The following POLA1 variants were observed in gnomAD, a reference collection of about 807,000 sequenced individuals.
POLA1 encodes the protein DNA polymerase alpha 1, catalytic subunit, also known as DNA polymerase alpha catalytic subunit.
In POLA1, 15 loss-of-function variants were observed where a neutral mutation model predicts 124.0. The observed-to-expected ratio is 0.12, with a 90% confidence interval of 0.08 to 0.19. The LOEUF (loss-of-function observed/expected upper bound fraction) is 0.19. Among genes scored for constraint, POLA1 ranks in the 10% least tolerant of loss-of-function variants. POLA1 has a pLI of 1.00. For missense variants in POLA1, 886 were observed against 1,103.4 expected (o/e 0.80, Z 2.79); for synonymous variants, 408 against 389.4 (o/e 1.05, Z -0.56).
At chrX:24,952,698 C>A (rs967090624) in intron 36 of POLA1, among the ~76,000 whole-genome samples, 41 of 112,063 alleles carry the variant, frequency 3.7e-4, no homozygotes, top group Admixed American at 2.8e-4. Flanking sequence ...TTAATAAATG[C>A]AGTTTTTTAG....
intron 17 of POLA1, among the ~76,000 whole-genome samples, chrX:24,735,044 C>A (rs1931187743): frequency 8.9e-6 from 1 of 112,251 alleles, no homozygotes; most frequent in African/African-American, 3.2e-5. Context: ...ACAGTGAAGT[C>A]TACCAGGGAT....
At chrX:24,728,621 T>C (rs911450178) in intron 15 of POLA1, among the ~76,000 whole-genome samples, 3 of 112,027 alleles carry the variant, frequency 2.7e-5, no homozygotes, top group African/African-American at 6.5e-5. Context: ...CATTGTTGGT[T>C]GTCTTGTAGA....
chrX:24,988,753 G>T (rs1477348659), intron 36 of POLA1, among the ~76,000 whole-genome samples: 2 of 111,939 alleles, frequency 1.8e-5, no homozygotes, highest in Non-Finnish European at 3.8e-5. Flanking sequence ...ATCACTTAAG[G>T]TCAGGAGTTT....
At chrX:24,975,727 C>T (rs2048358576) in intron 36 of POLA1, among the ~76,000 whole-genome samples, 1 of 112,482 alleles carries the variant, frequency 8.9e-6, no homozygotes, top group South Asian at 3.7e-4. Flanking sequence ...CCCTGGCCCA[C>T]ACATTGTAAA....
intron 24 of POLA1, 36 bp downstream of exon 24, chrX:24,745,578 T>TA: frequency 1.9e-6 from 2 of 1,026,630 alleles, no homozygotes; most frequent in Non-Finnish European, 2.7e-6. Context: ...AAATTGAGTT[T>TA]AAAAAAATTG....
intron 26 of POLA1, among the ~76,000 whole-genome samples, chrX:24,763,400 T>TG (rs1932833617): frequency 9.0e-6 from 1 of 111,311 alleles, no homozygotes; most frequent in Non-Finnish European, 1.9e-5. Flanking sequence ...TGACCAGGTT[T>TG]GGGGCAGGAG....
intron 31 of POLA1, among the ~76,000 whole-genome samples, chrX:24,822,020 G>A (rs189038720): frequency 9.0e-6 from 1 of 110,657 alleles, no homozygotes; most frequent in African/African-American, 3.3e-5. Flanking sequence ...CATACCCTAT[G>A]AGGAAACCAC....
intron 4 of POLA1, among the ~76,000 whole-genome samples, chrX:24,713,441 A>G (rs986469122): frequency 2.7e-5 from 3 of 111,342 alleles, no homozygotes; most frequent in Admixed American, 9.5e-5. Context: ...TTTTCAAGAC[A>G]GAGTCTTGCT....
At chrX:24,788,413 C>T (rs999536507) in intron 26 of POLA1, 1 of 1,192,726 alleles carries the variant, frequency 8.4e-7, no homozygotes, top group Non-Finnish European at 1.1e-6. Context: ...TGAAAGCAGC[C>T]ACATCCATGG....
chrX:24,940,503 TG>T (rs1569369960), intron 36 of POLA1, among the ~76,000 whole-genome samples: 2 of 111,628 alleles, frequency 1.8e-5, no homozygotes, highest in Non-Finnish European at 3.8e-5. Context: ...CATGATGGAA[TG>T]TACTATGAGT....
At chrX:24,699,095 A>G (rs1928230650) in intron 1 of POLA1, among the ~76,000 whole-genome samples, 1 of 112,318 alleles carries the variant, frequency 8.9e-6, no homozygotes, top group Non-Finnish European at 1.9e-5. Context: ...TCTAATGGAA[A>G]GGTGATAAAT....
At position 24,693,958 on chromosome X, in the gene POLA1, G is replaced by C; in HGVS notation, c.-4G>C. 1.7e-6 allele frequency: 2 copies of C among 1,194,967 alleles called. No homozygotes were observed. The highest frequency in any genetic ancestry group is 2.3e-6 in the Non-Finnish European group (2 of 886,647). On this transcript the variant is annotated 5_prime_UTR_variant, in exon 1 of 37. Coordinates refer to ENST00000379068, the MANE Select transcript of POLA1 (RefSeq NM_001330360.2). ...GTTGGCGCGGAATCGGGAGATTCGGGACCATGGCACCTGTGCACGGCGACG... is the reference window on the plus strand; with the variant it reads ...GTTGGCGCGGAATCGGGAGATTCGGCACCATGGCACCTGTGCACGGCGACG...
chrX:24,696,058 C>T (rs951134799), intron 1 of POLA1, among the ~76,000 whole-genome samples: 1 of 112,530 alleles, frequency 8.9e-6, no homozygotes, highest in African/African-American at 3.2e-5. Flanking sequence ...ACTTCACACG[C>T]GGAAGCGTTA....
intron 35 of POLA1, among the ~76,000 whole-genome samples, chrX:24,894,629 G>T (rs1193740934): frequency 8.9e-6 from 1 of 111,763 alleles, no homozygotes; most frequent in Non-Finnish European, 1.9e-5. Context: ...CTCCGCTTCT[G>T]TTGTCACATG....
intron 36 of POLA1, among the ~76,000 whole-genome samples, chrX:24,959,227 A>G (rs1235014870): frequency 1.8e-5 from 2 of 111,616 alleles, no homozygotes; most frequent in African/African-American, 6.5e-5. Flanking sequence ...GCAATTTGGG[A>G]GGCCACAGTG....
chrX:24,861,978 T>C (rs968867851), intron 34 of POLA1, among the ~76,000 whole-genome samples: 3 of 112,052 alleles, frequency 2.7e-5, no homozygotes, highest in African/African-American at 9.7e-5. Flanking sequence ...ATGCACACTT[T>C]TTTTTAAGTC....
At chrX:24,948,149 G>C (rs779656562) in intron 36 of POLA1, among the ~76,000 whole-genome samples, 1 of 111,651 alleles carries the variant, frequency 9.0e-6, no homozygotes, top group East Asian at 2.8e-4. Flanking sequence ...GTTCTAGTAT[G>C]GTTTAGTTTT....
At chrX:24,767,424 C>T (rs964343667) in intron 26 of POLA1, among the ~76,000 whole-genome samples, 2 of 111,639 alleles carry the variant, frequency 1.8e-5, no homozygotes, top group Non-Finnish European at 3.8e-5. Context: ...GTCTCACTGT[C>T]TCCTTTGCAT....
intron 10 of POLA1, among the ~76,000 whole-genome samples, chrX:24,719,008 C>T (rs1409185995): frequency 8.9e-6 from 1 of 111,860 alleles, no homozygotes; most frequent in East Asian, 2.8e-4. Context: ...CTCTTTGAGC[C>T]CGTCTTCATT....
Sources: allele counts gnomAD v4.1 joint callset (sites outside exome capture counted in the v4.1 genomes callset), GRCh38; gene constraint gnomAD v4.1.1; transcripts MANE v1.5; gene names NCBI Gene and HGNC (gene_info 2026-07-23, HGNC 2026-07-21).